The following NELL2 variants were observed in gnomAD, a reference collection of about 807,000 sequenced individuals.
NELL2 encodes the protein protein kinase C-binding protein NELL2.
In NELL2, 41 loss-of-function variants were observed where a neutral mutation model predicts 109.6. That is an observed-to-expected ratio of 0.37 (90% CI 0.29 to 0.49). NELL2 has a LOEUF of 0.49. Ranked by LOEUF, NELL2 falls within the 20% of genes least tolerant of loss-of-function variation. The pLI, the probability that NELL2 is intolerant of heterozygous loss-of-function variation, is 0.98. For missense variants in NELL2, 900 were observed against 1,008.3 expected, an observed-to-expected ratio of 0.89 and a Z score of 1.45; for synonymous variants, 355 against 344.7, an observed-to-expected ratio of 1.03 and a Z score of -0.33.
chr12:44,578,413 A>G (rs2136206731), intron 15 of NELL2, among the ~76,000 whole-genome samples: 1 of 122,638 alleles, frequency 8.2e-6, no homozygotes, highest in South Asian at 3.2e-4. Flanking sequence ...AATTGAAAGT[A>G]AAGTAATTGA....
chr12:44,672,206 G>A (rs1288411646), intron 12 of NELL2, among the ~76,000 whole-genome samples: 1 of 152,206 alleles, frequency 6.6e-6, no homozygotes, highest in Non-Finnish European at 1.5e-5. Flanking sequence ...CCAACCCCGG[G>A]ATGGCGAACC....
At chr12:44,646,680 G>T (rs952715850) in intron 13 of NELL2, among the ~76,000 whole-genome samples, 1 of 152,184 alleles carries the variant, frequency 6.6e-6, no homozygotes, top group African/African-American at 2.4e-5. Context: ...CGAAACTGTA[G>T]ATAAGAGGGG....
At chr12:44,619,317 G>A (rs765427742) in intron 13 of NELL2, among the ~76,000 whole-genome samples, 7 of 152,124 alleles carry the variant, frequency 4.6e-5, no homozygotes, top group South Asian at 2.1e-4. Flanking sequence ...AAACAGTAGC[G>A]TCCAGACTAC....
chr12:44,672,102 CA>C (rs2136351930), intron 12 of NELL2, among the ~76,000 whole-genome samples: 1 of 152,300 alleles, frequency 6.6e-6, no homozygotes, highest in Non-Finnish European at 1.5e-5. Context: ...GTGTCTAGAA[CA>C]GGACAGTGAG....
intron 13 of NELL2, among the ~76,000 whole-genome samples, chr12:44,640,134 C>T (rs879446439): frequency 5.3e-5 from 8 of 152,150 alleles, no homozygotes; most frequent in Admixed American, 4.6e-4. Flanking sequence ...CAGTAAATAG[C>T]TGTTGATTGC....
At chr12:44,596,256 A>G (rs1193503850) in intron 15 of NELL2, among the ~76,000 whole-genome samples, 1 of 152,210 alleles carries the variant, frequency 6.6e-6, no homozygotes, top group Non-Finnish European at 1.5e-5. Context: ...TTTGGCACCC[A>G]TATTCCACAA....
chr12:44,860,678 T>C (rs944278698), intron 2 of NELL2, among the ~76,000 whole-genome samples: 18 of 145,136 alleles, frequency 1.2e-4, no homozygotes, highest in Admixed American at 9.2e-4. Flanking sequence ...TGTGATTACA[T>C]TGGGCCCAGC....
At chr12:44,733,449 T>A (rs189824978) in intron 9 of NELL2, among the ~76,000 whole-genome samples, 1 of 151,952 alleles carries the variant, frequency 6.6e-6, no homozygotes, top group African/African-American at 2.4e-5. Context: ...GTGAAATAAG[T>A]CAGTAACAAC....
chr12:44,695,718 A>C (rs1404258089), intron 12 of NELL2, among the ~76,000 whole-genome samples: 1 of 152,234 alleles, frequency 6.6e-6, no homozygotes, highest in East Asian at 1.9e-4. Flanking sequence ...ATTACAATAA[A>C]GCTTTCATCA....
At chr12:44,716,738 C>G (rs758109822) in intron 9 of NELL2, among the ~76,000 whole-genome samples, 3 of 151,992 alleles carry the variant, frequency 2.0e-5, no homozygotes, top group Non-Finnish European at 4.4e-5. Flanking sequence ...TATTATACGA[C>G]TTGATAACTG....
At chr12:44,540,834 T>C (rs1942527371) in intron 15 of NELL2, among the ~76,000 whole-genome samples, 1 of 121,150 alleles carries the variant, frequency 8.3e-6, no homozygotes, top group Non-Finnish European at 1.7e-5. Context: ...ATCAATTTTC[T>C]GTGTATTCAC....
At chr12:44,701,685 C>A (rs1445472957) in intron 12 of NELL2, among the ~76,000 whole-genome samples, 2 of 152,026 alleles carry the variant, frequency 1.3e-5, no homozygotes, top group African/African-American at 4.8e-5. Context: ...TATGAATATA[C>A]CTTACTCCTC....
upstream of NELL2, among the ~76,000 whole-genome samples, chr12:44,916,283 T>C (rs549267758): frequency 5.9e-5 from 9 of 151,926 alleles, no homozygotes; most frequent in Non-Finnish European, 1.3e-4. Flanking sequence ...TGAAGTCAAA[T>C]GAGGCAAAGA....
At chr12:44,759,222 A>C (rs1042273730) in intron 9 of NELL2, among the ~76,000 whole-genome samples, 1 of 152,038 alleles carries the variant, frequency 6.6e-6, no homozygotes, top group African/African-American at 2.4e-5. Context: ...GTATTAAAAA[A>C]CTGTAGAAAA....
chr12:44,689,938 C>T (rs752782539), intron 12 of NELL2, among the ~76,000 whole-genome samples: 1 of 152,258 alleles, frequency 6.6e-6, no homozygotes, highest in Admixed American at 6.5e-5. Context: ...AATATATGAT[C>T]GGAGATCGAA....
chr12:44,521,113 C>G (rs1941505585), intron 18 of NELL2, among the ~76,000 whole-genome samples: 1 of 152,098 alleles, frequency 6.6e-6, no homozygotes, highest in African/African-American at 2.4e-5. Context: ...ATTCGTTCAA[C>G]TGAAAAAAGA....
chr12:44,851,073 G>C (rs1228197920), intron 2 of NELL2, among the ~76,000 whole-genome samples: 5 of 152,112 alleles, frequency 3.3e-5, no homozygotes, highest in African/African-American at 1.2e-4. Context: ...AACTAGGCTA[G>C]AGTGCTATAC....
intron 15 of NELL2, among the ~76,000 whole-genome samples, chr12:44,571,952 A>G (rs1943886547): frequency 6.6e-6 from 1 of 152,184 alleles, no homozygotes; most frequent in Admixed American, 6.5e-5. Flanking sequence ...AAGCACAATA[A>G]GCAAACAAAC....
chr12:44,587,284 A>AAAAAAAAATATATATATATATAT, intron 15 of NELL2, among the ~76,000 whole-genome samples: 15 of 72,198 alleles, frequency 2.1e-4, no homozygotes, highest in African/African-American at 4.6e-4. Flanking sequence ...AAAAAAAAAA[A>AAAAAAAAATATATATATATATAT]ATATATATAT....
Sources: allele counts gnomAD v4.1 joint callset (sites outside exome capture counted in the v4.1 genomes callset), GRCh38; gene constraint gnomAD v4.1.1; transcripts MANE v1.5; gene names NCBI Gene and HGNC (gene_info 2026-07-23, HGNC 2026-07-21).